RABGAP1L: variants seen among roughly 807,000 people sequenced by gnomAD.
RABGAP1L encodes the protein RAB GTPase activating protein 1 like.
A neutral mutation model predicts 137.7 loss-of-function variants in RABGAP1L; 63 were observed. The observed-to-expected ratio is 0.46, with a 90% CI of 0.37 to 0.56. The LOEUF is 0.56. RABGAP1L is among the 20% of genes least tolerant of loss of function. The probability of loss-of-function intolerance (pLI) is 0.00; values close to 1 mark genes in which losing one functional copy is unlikely to be tolerated. For synonymous variants in RABGAP1L, 431 were observed against 433.7 expected (o/e 0.99, Z 0.08); for missense variants, 1,095 against 1,244.0 (o/e 0.88, Z 1.80).
At chr1:174,385,117 C>G (rs1330517663) in intron 12 of RABGAP1L, among the ~76,000 whole-genome samples, 2 of 152,174 alleles carry the variant, frequency 1.3e-5, no homozygotes, top group African/African-American at 4.8e-5. Flanking sequence ...AAGGTGGAAG[C>G]AGGCAGATTA....
intron 13 of RABGAP1L, among the ~76,000 whole-genome samples, chr1:174,582,216 A>T (rs1305662370): frequency 1.3e-5 from 2 of 152,096 alleles, no homozygotes; most frequent in Non-Finnish European, 2.9e-5. Context: ...GTACAAAAAA[A>T]TACAAAATAT....
intron 11 of RABGAP1L, among the ~76,000 whole-genome samples, chr1:174,366,599 A>T (rs1188981912): frequency 6.6e-6 from 1 of 151,702 alleles, no homozygotes; most frequent in Non-Finnish European, 1.5e-5. Context: ...GTGAAACCTC[A>T]TCTCTACTAA....
At chr1:174,251,105 A>C (rs1334683255) in intron 6 of RABGAP1L, among the ~76,000 whole-genome samples, 1 of 152,188 alleles carries the variant, frequency 6.6e-6, no homozygotes, top group African/African-American at 2.4e-5. Context: ...TTGGTCAGAT[A>C]CTTATTTTCT....
chr1:174,246,066 A>G (rs1672232703), intron 5 of RABGAP1L: 1 of 152,234 alleles, frequency 6.6e-6, no homozygotes, highest in Non-Finnish European at 1.5e-5. Flanking sequence ...TTTGTTACTT[A>G]ATAACAGTGT....
At chr1:174,639,536 A>G (rs923644163) in intron 14 of RABGAP1L, among the ~76,000 whole-genome samples, 1 of 152,100 alleles carries the variant, frequency 6.6e-6, no homozygotes, top group Non-Finnish European at 1.5e-5. Flanking sequence ...GGTTTATGGC[A>G]TATGCAACAT....
intron 19 of RABGAP1L, among the ~76,000 whole-genome samples, chr1:174,952,934 G>A (rs993189104): frequency 6.6e-6 from 1 of 151,696 alleles, no homozygotes; most frequent in Non-Finnish European, 1.5e-5. Context: ...AGGCTGAGGA[G>A]GGCAGATCAC....
intron 14 of RABGAP1L, among the ~76,000 whole-genome samples, chr1:174,644,850 C>T (rs947144232): frequency 2.0e-5 from 3 of 152,082 alleles, no homozygotes; most frequent in Non-Finnish European, 4.4e-5. Flanking sequence ...GTCCTTTCTC[C>T]CTAGAAATAA....
chr1:174,803,266 T>G (rs923400140), intron 18 of RABGAP1L, among the ~76,000 whole-genome samples: 4 of 152,196 alleles, frequency 2.6e-5, no homozygotes, highest in Admixed American at 6.5e-5. Flanking sequence ...CATTTGGAAT[T>G]TTTGCTTGTT....
intron 17 of RABGAP1L, among the ~76,000 whole-genome samples, chr1:174,717,537 T>C (rs772719556): frequency 3.9e-4 from 59 of 152,242 alleles, no homozygotes; most frequent in Non-Finnish European, 2.5e-4. Flanking sequence ...TATCTAATAA[T>C]GTATAAGCTT....
chr1:174,686,976 C>T (rs1458630177), intron 15 of RABGAP1L, among the ~76,000 whole-genome samples: 2 of 151,820 alleles, frequency 1.3e-5, no homozygotes, highest in Non-Finnish European at 2.9e-5. Flanking sequence ...GATCTTTGAA[C>T]ATACCGTAGT....
chr1:174,436,584 A>G (rs1323023712), intron 13 of RABGAP1L, among the ~76,000 whole-genome samples: 2 of 151,854 alleles, frequency 1.3e-5, no homozygotes, highest in Non-Finnish European at 1.5e-5. Context: ...GGCTGCAAAA[A>G]TTTTCTCCCA....
intron 19 of RABGAP1L, chr1:174,938,434 T>C (rs1665270949): frequency 6.6e-6 from 1 of 152,234 alleles, no homozygotes; most frequent in African/African-American, 2.4e-5. Context: ...CCCAGTACTT[T>C]TTCCACACCC....
chr1:174,417,902 A>T (rs1650793742), intron 13 of RABGAP1L, among the ~76,000 whole-genome samples: 1 of 152,172 alleles, frequency 6.6e-6, no homozygotes, highest in Non-Finnish European at 1.5e-5. Context: ...TGTGTCTGTG[A>T]TTTCTAACTC....
At position 174,639,860 on chromosome 1, in the gene RABGAP1L, A is replaced by C. The variant is rs114701167; in HGVS notation, c.1824+2372A>C. ...TGCAACCTTGAATTCATTTGAAAAT[A>C]CTCATCAGTACATTCCCAGAGCTCA... On this transcript the variant is annotated intron_variant, in intron 14 of 25. Coordinates refer to ENST00000681986, the MANE Select transcript of RABGAP1L (RefSeq NM_001366446.1). 9.5e-3 allele frequency among the ~76,000 whole-genome samples: 1,444 copies of C among 152,246 alleles called. 25 individuals carry two copies. The highest frequency in any genetic ancestry group is 0.033 in the African/African-American group (1,385 of 41,556).
At chr1:174,251,732 A>G (rs984762519) in intron 6 of RABGAP1L, among the ~76,000 whole-genome samples, 5 of 152,104 alleles carry the variant, frequency 3.3e-5, no homozygotes, top group Admixed American at 2.0e-4. Flanking sequence ...CTCAAATTCT[A>G]TGTGTCTAAA....
intron 13 of RABGAP1L, among the ~76,000 whole-genome samples, chr1:174,458,023 C>T (rs150246454): frequency 9.9e-5 from 15 of 152,124 alleles, no homozygotes; most frequent in African/African-American, 3.4e-4. Context: ...AGGGACTATT[C>T]TTAATTCTGT....
At chr1:174,979,029 T>G (rs1275393548) in intron 23 of RABGAP1L, 139 bp downstream of exon 23, 7 of 1,256,562 alleles carry the variant, frequency 5.6e-6, no homozygotes, top group Admixed American at 4.0e-5. Flanking sequence ...GAAAAAAAAT[T>G]TTTTAGTTAG....
intron 18 of RABGAP1L, among the ~76,000 whole-genome samples, chr1:174,793,531 A>G (rs1688013359): frequency 6.6e-6 from 1 of 152,216 alleles, no homozygotes. Context: ...TTGAGTTCCA[A>G]CTATAAAATA....
At chr1:174,400,554 A>G (rs1648447720) in intron 13 of RABGAP1L, among the ~76,000 whole-genome samples, 1 of 152,198 alleles carries the variant, frequency 6.6e-6, no homozygotes, top group African/African-American at 2.4e-5. Context: ...TTTTCCATCA[A>G]CTATAGCCTT....
Sources: allele counts gnomAD v4.1 joint callset (sites outside exome capture counted in the v4.1 genomes callset), GRCh38; gene constraint gnomAD v4.1.1; transcripts MANE v1.5; gene names NCBI Gene and HGNC (gene_info 2026-07-23, HGNC 2026-07-21).